FRK: variants seen among roughly 807,000 people sequenced by gnomAD.
The protein encoded by FRK is fyn related Src family tyrosine kinase.
Under a neutral mutation model 56.4 loss-of-function variants are expected in FRK, and 51 were observed. That is an observed-to-expected ratio of 0.90 (90% CI 0.72 to 1.14). FRK has a LOEUF of 1.14. FRK is among the 50% of genes most tolerant of loss of function. The pLI, the probability that FRK is intolerant of heterozygous loss-of-function variation, is 0.00. For synonymous variants in FRK, 245 were observed against 217.9 expected (o/e 1.12, Z -1.10); for missense variants, 570 against 601.4 (o/e 0.95, Z 0.55).
chr6:115,989,356 T>A (rs1208429680), intron 2 of FRK, among the ~76,000 whole-genome samples: 1 of 151,910 alleles, frequency 6.6e-6, no homozygotes, highest in Non-Finnish European at 1.5e-5. Flanking sequence ...TATTGCATAA[T>A]GGTGAAGTTT....
At chr6:116,047,334 T>G (rs969766875) in intron 1 of FRK, among the ~76,000 whole-genome samples, 1 of 151,220 alleles carries the variant, frequency 6.6e-6, no homozygotes, top group African/African-American at 2.4e-5. Flanking sequence ...ACCAGACATC[T>G]GTAGTTTTTT....
chr6:116,097,115 T>TGTA, the FRK span, among the ~76,000 whole-genome samples: 1 of 150,984 alleles, frequency 6.6e-6, no homozygotes, highest in Non-Finnish European at 1.5e-5. Context: ...TATTAAGAAA[T>TGTA]GTAAAGATTT....
Position 116,003,871 on chromosome 6 carries a change from C to A in FRK, c.466+6G>T, listed in dbSNP as rs181842829. Reference sequence around the variant, plus strand: ...CATATTGAATGACACAAAACAATACCCTTACCTGAAAGAGAGAATTCTCCT... The same window carrying A: ...CATATTGAATGACACAAAACAATACACTTACCTGAAAGAGAGAATTCTCCT... On this transcript the variant is annotated splice_donor_region_variant and intron_variant, in intron 2 of 7. Coordinates refer to ENST00000606080, the MANE Select transcript of FRK (RefSeq NM_002031.3). 3.3e-5 allele frequency: 53 copies of A among 1,613,104 alleles called. No individual in the cohort carries two copies. The highest frequency in any genetic ancestry group is 4.3e-5 in the Non-Finnish European group (51 of 1,179,774).
rs148915200 is a variant in FRK, at chr6:115,971,778, C to T, written c.467-3039G>A. Among the ~76,000 whole-genome samples, 321 of 152,358 alleles carry T rather than the reference C, an allele frequency of 2.1e-3. 1 individual carries two copies. Among genetic ancestry groups the T allele is most frequent in the Admixed American group, 5.2e-3 (80 of 15,308 alleles). On this transcript the variant is annotated intron_variant, in intron 2 of 7. Coordinates refer to ENST00000606080, the MANE Select transcript of FRK (RefSeq NM_002031.3). ...TCGAATCTTCTCTCCTTCCCCAGCT[C>T]GGTCTGGCCCGCTTCAGGCAAAAGG...
chr6:116,058,575 G>C (rs1777482898), intron 1 of FRK, among the ~76,000 whole-genome samples: 1 of 152,120 alleles, frequency 6.6e-6, no homozygotes. Flanking sequence ...GAACATAAGA[G>C]AATCTCCAAT....
chr6:115,967,433 G>A, intron 4 of FRK, 118 bp downstream of exon 4: 1 of 944,964 alleles, frequency 1.1e-6, no homozygotes, highest in South Asian at 1.8e-5. Context: ...TAGAGACAAT[G>A]ACCACAACAC....
intron 2 of FRK, among the ~76,000 whole-genome samples, chr6:115,975,982 G>C (rs912760483): frequency 6.6e-6 from 1 of 152,106 alleles, no homozygotes; most frequent in African/African-American, 2.4e-5. Context: ...CTATACCACC[G>C]GTCACCTGAT....
chr6:116,017,295 A>G (rs1193797049), intron 1 of FRK, among the ~76,000 whole-genome samples: 1 of 152,236 alleles, frequency 6.6e-6, no homozygotes, highest in Non-Finnish European at 1.5e-5. Flanking sequence ...ATGTGCAAAC[A>G]GACTGTAACC....
At chr6:116,096,280 A>C in the FRK span, among the ~76,000 whole-genome samples, 3 of 152,192 alleles carry the variant, frequency 2.0e-5, no homozygotes, top group Non-Finnish European at 4.4e-5. Flanking sequence ...CCAATTCCCA[A>C]CAGCAGTTGG....
At chr6:116,074,984 C>T in the FRK span, among the ~76,000 whole-genome samples, 11 of 152,060 alleles carry the variant, frequency 7.2e-5, no homozygotes, top group African/African-American at 2.7e-4. Flanking sequence ...CTATCCGATT[C>T]CCCCTCCCTT....
At chr6:116,039,186 GAAGA>G (rs1383398089) in intron 1 of FRK, 44 of 1,313,614 alleles carry the variant, frequency 3.3e-5, no homozygotes, top group Non-Finnish European at 4.7e-5. Flanking sequence ...TTGTTTTCGA[GAAGA>G]AAGAGGTCAT....
rs1772029774 is a variant in FRK at position 115,935,620 on chromosome 6, AC to A, written c.*6793del. The A allele has an allele frequency of 6.6e-6, 1 of 152,356 alleles. No homozygotes were observed. The allele number at this position is 152,356 out of a possible 1,614,324, so 9.4% of individuals were successfully genotyped here. On this transcript the variant is annotated 3_prime_UTR_variant, in exon 8 of 8. Coordinates refer to ENST00000606080, the MANE Select transcript of FRK (RefSeq NM_002031.3). ...CTGGCTTGAAATCCTCATTGCAAGC[AC>A]AGCAGTCTGAGGTCGACCTGGGACA...
chr6:115,950,360 G>A (rs930529298), intron 5 of FRK, among the ~76,000 whole-genome samples: 1 of 152,120 alleles, frequency 6.6e-6, no homozygotes, highest in African/African-American at 2.4e-5. Context: ...CAAAAAGTGG[G>A]CAAAGGATAT....
chr6:116,071,247 T>C, the FRK span, among the ~76,000 whole-genome samples: 1 of 152,198 alleles, frequency 6.6e-6, no homozygotes, highest in Non-Finnish European at 1.5e-5. Flanking sequence ...ATGATATGTA[T>C]GCATTTGGTT....
chr6:116,073,923 G>A, the FRK span, among the ~76,000 whole-genome samples: 4 of 152,186 alleles, frequency 2.6e-5, no homozygotes, highest in Non-Finnish European at 5.9e-5. Context: ...GCTGCTGCCA[G>A]GGTGAAGGAA....
the FRK span, among the ~76,000 whole-genome samples, chr6:116,074,998 A>G: frequency 6.6e-6 from 1 of 152,080 alleles, no homozygotes; most frequent in African/African-American, 2.4e-5. Flanking sequence ...CTCCCTTGTG[A>G]GTGCTCAGAG....
chr6:116,013,816 T>G (rs960150025), intron 1 of FRK, among the ~76,000 whole-genome samples: 11 of 152,146 alleles, frequency 7.2e-5, no homozygotes, highest in African/African-American at 2.7e-4. Flanking sequence ...GTAGTCATTG[T>G]GTGTAAACCA....
At chr6:116,032,972 G>A (rs1383827917) in intron 1 of FRK, among the ~76,000 whole-genome samples, 5 of 152,092 alleles carry the variant, frequency 3.3e-5, no homozygotes, top group Non-Finnish European at 7.4e-5. Context: ...CAAGGGTTGT[G>A]AAATGCCTAG....
At chr6:116,083,043 G>A in the FRK span, among the ~76,000 whole-genome samples, 8 of 152,162 alleles carry the variant, frequency 5.3e-5, no homozygotes, top group Non-Finnish European at 1.0e-4. Flanking sequence ...AACCAGCAAA[G>A]GAGACTGAGA....
Sources: gnomAD v4.1 joint callset for allele counts (sites outside exome capture counted in the v4.1 genomes callset) on GRCh38, gnomAD v4.1.1 for gene constraint, MANE v1.5 for transcripts, NCBI Gene and HGNC (gene_info 2026-07-23, HGNC 2026-07-21) for gene names.